Variants in PDE10A observed in about 807,000 individuals in gnomAD.
The protein encoded by PDE10A is phosphodiesterase 10A, also known as cAMP and cAMP-inhibited cGMP 3',5'-cyclic phosphodiesterase 10A.
In PDE10A, 39 loss-of-function variants were observed where a neutral mutation model predicts 97.7. The ratio of observed to expected loss-of-function variants is 0.40; its 90% CI spans 0.31 to 0.52. The LOEUF (loss-of-function observed/expected upper bound fraction) is 0.52, where lower values mean the gene tolerates loss of function less well. Among genes scored for constraint, PDE10A ranks in the 20% least tolerant of loss-of-function variants. The probability of loss-of-function intolerance (pLI) is 0.56; values close to 1 mark genes in which losing one functional copy is unlikely to be tolerated. For missense variants in PDE10A, 731 were observed against 1,047.8 expected, an observed-to-expected ratio of 0.70 and a Z score of 4.17; for synonymous variants, 371 against 376.8, an observed-to-expected ratio of 0.98 and a Z score of 0.18.
intron 2 of PDE10A, among the ~76,000 whole-genome samples, chr6:165,505,122 A>G (rs188842366): frequency 6.6e-6 from 1 of 152,202 alleles, no homozygotes; most frequent in Non-Finnish European, 1.5e-5. Context: ...GAGTCCTTCT[A>G]ATGATTTTGT....
chr6:165,972,758 G>T (rs1001921579), intron 1 of PDE10A, among the ~76,000 whole-genome samples: 1 of 152,092 alleles, frequency 6.6e-6, no homozygotes, highest in East Asian at 1.9e-4. Context: ...ATTATTTTTC[G>T]CCAAGAGGCC....
At position 165,549,814 on chromosome 6, in the gene PDE10A, T is replaced by TA. The variant is rs1443125632; in HGVS notation, c.866-6247dup. Among the ~76,000 whole-genome samples the TA allele has an allele frequency of 3.3e-5, 5 of 152,348 alleles. No homozygotes were observed. In the South Asian group the frequency reaches 1.0e-3, roughly 32 times the overall value. ...TAATATCTATAAAAATTATTTATTT[T>TA]AAAAGTCAGTTTCAAATCGGAGGCT... is the stretch of plus-strand genomic sequence containing the variant. On this transcript the variant is annotated intron_variant, in intron 1 of 21. Coordinates refer to ENST00000539869, the MANE Select transcript of PDE10A (RefSeq NM_001385079.1).
chr6:165,860,498 C>T (rs954846095), intron 1 of PDE10A, among the ~76,000 whole-genome samples: 1 of 151,982 alleles, frequency 6.6e-6, no homozygotes, highest in African/African-American at 2.4e-5. Flanking sequence ...AACACAAAAC[C>T]AGATACCCTG....
At chr6:165,793,686 G>A (rs1778723697) in intron 1 of PDE10A, among the ~76,000 whole-genome samples, 1 of 152,230 alleles carries the variant, frequency 6.6e-6, no homozygotes, top group Admixed American at 6.5e-5. Flanking sequence ...ACCTTATGGA[G>A]TGCCTTGGCC....
chr6:165,751,073 G>C (rs963953130), intron 1 of PDE10A, among the ~76,000 whole-genome samples: 2 of 152,160 alleles, frequency 1.3e-5, no homozygotes, highest in Admixed American at 6.5e-5. Flanking sequence ...TCTCCTGGGG[G>C]AGAGAAGAAG....
intron 1 of PDE10A, among the ~76,000 whole-genome samples, chr6:165,774,631 A>T (rs936671714): frequency 1.1e-4 from 16 of 148,112 alleles, no homozygotes; most frequent in African/African-American, 3.9e-4. Context: ...AAAATAAATG[A>T]CCTGGAAAAG....
chr6:165,817,455 C>T (rs764500676), intron 1 of PDE10A, among the ~76,000 whole-genome samples: 7 of 152,138 alleles, frequency 4.6e-5, no homozygotes, highest in Non-Finnish European at 5.9e-5. Flanking sequence ...CACATACACA[C>T]GCCTCCCATG....
At chr6:165,825,374 G>A (rs1779708750) in intron 1 of PDE10A, among the ~76,000 whole-genome samples, 1 of 152,078 alleles carries the variant, frequency 6.6e-6, no homozygotes, top group African/African-American at 2.4e-5. Flanking sequence ...AGGATGGCGT[G>A]ATCTGAGGGC....
intron 1 of PDE10A, among the ~76,000 whole-genome samples, chr6:165,701,508 A>G (rs185487823): frequency 2.0e-5 from 3 of 152,364 alleles, no homozygotes; most frequent in African/African-American, 7.2e-5. Context: ...CTAAGGATAC[A>G]GAAGTGAATA....
At chr6:165,848,332 G>A (rs1036253774) in intron 1 of PDE10A, among the ~76,000 whole-genome samples, 1 of 152,192 alleles carries the variant, frequency 6.6e-6, no homozygotes, top group African/African-American at 2.4e-5. Context: ...GGGTAACTTG[G>A]AGGGTGGGCT....
intron 1 of PDE10A, among the ~76,000 whole-genome samples, chr6:165,741,714 T>C (rs1792725631): frequency 6.6e-6 from 1 of 152,208 alleles, no homozygotes; most frequent in Non-Finnish European, 1.5e-5. Context: ...CAATGAAAAC[T>C]ACTAAATTCA....
chr6:165,428,728 A>T lies in PDE10A; in HGVS notation c.1602-19T>A. On this transcript the variant is annotated intron_variant, in intron 9 of 21. Coordinates refer to ENST00000539869, the MANE Select transcript of PDE10A (RefSeq NM_001385079.1). The stretch of plus-strand genomic sequence containing the variant: ...ATATGTTCTGAAAAAAAGAAACATA[A>T]ATCCTGTAAGTAATTTCATTAGTTC... 9.8e-7 allele frequency: 1 copy of T among 1,018,090 alleles called. No individual in the cohort carries two copies. The highest frequency in any genetic ancestry group is 1.6e-5 in the African/African-American group (1 of 62,090). 63.1% of individuals were successfully genotyped at this position (1,018,090 alleles called of 1,614,324 possible). A position where few individuals can be genotyped will look rare whatever the true frequency, so the allele number is the denominator to read the frequency against.
intron 1 of PDE10A, among the ~76,000 whole-genome samples, chr6:165,598,830 C>T (rs931459328): frequency 2.0e-5 from 3 of 152,108 alleles, no homozygotes; most frequent in Non-Finnish European, 4.4e-5. Context: ...ACCTAGAGGG[C>T]CTGCTCTTGC....
In PDE10A at chr6:165,618,994, C is replaced by G. The variant is rs60658965; in HGVS notation, c.865+42953G>C. On this transcript the variant is annotated intron_variant, in intron 1 of 21. Coordinates refer to ENST00000539869, the MANE Select transcript of PDE10A (RefSeq NM_001385079.1). ...GTAGTGTAGTCTAGTGTAGTGTAGT[C>G]TAGTGTAGTGTAGTCTAGTGTAGTC... 5.9e-3 allele frequency among the ~76,000 whole-genome samples: 371 copies of G among 62,820 alleles called. 2 individuals are homozygous for G. The highest frequency in any genetic ancestry group is 0.014 in the South Asian group (28 of 1,948). 41.2% of individuals were successfully genotyped at this position (62,820 alleles called of 152,430 possible). A position where few individuals can be genotyped will look rare whatever the true frequency, so the allele number is the denominator to read the frequency against.
At chr6:165,952,261 G>A (rs1311395648) in intron 1 of PDE10A, among the ~76,000 whole-genome samples, 1 of 152,188 alleles carries the variant, frequency 6.6e-6, no homozygotes. Flanking sequence ...CTTCACCTGT[G>A]CCTTTCTTCA....
intron 20 of PDE10A, among the ~76,000 whole-genome samples, chr6:165,337,786 A>G (rs543641243): frequency 2.6e-5 from 4 of 152,354 alleles, no homozygotes; most frequent in Admixed American, 2.6e-4. Context: ...ATCAATGAGA[A>G]ATTTCCAGCT....
chr6:165,791,419 T>A (rs1002266498), intron 1 of PDE10A, among the ~76,000 whole-genome samples: 15 of 152,178 alleles, frequency 9.9e-5, no homozygotes, highest in African/African-American at 3.1e-4. Flanking sequence ...AATTTCTTTA[T>A]CTACCTGTTG....
At chr6:165,348,453 C>CA (rs1461436465) in intron 18 of PDE10A, among the ~76,000 whole-genome samples, 2 of 152,138 alleles carry the variant, frequency 1.3e-5, no homozygotes, top group Admixed American at 6.5e-5. Flanking sequence ...CTAATTTCAA[C>CA]AAAAAACAAT....
intron 1 of PDE10A, among the ~76,000 whole-genome samples, chr6:165,713,503 AACT>A (rs1791953231): frequency 6.6e-6 from 1 of 152,164 alleles, no homozygotes; most frequent in Non-Finnish European, 1.5e-5. Flanking sequence ...TTAGATTGGG[AACT>A]ACCCCACAAG....
Sources: allele counts gnomAD v4.1 joint callset (sites outside exome capture counted in the v4.1 genomes callset), GRCh38; gene constraint gnomAD v4.1.1; transcripts MANE v1.5; gene names NCBI Gene and HGNC (gene_info 2026-07-23, HGNC 2026-07-21).